Variants in UBL3 observed in about 807,000 individuals in gnomAD.
UBL3 encodes ubiquitin-like protein 3.
A neutral mutation model predicts 18.4 loss-of-function variants in UBL3; 6 were observed. That is an observed-to-expected ratio of 0.33 (90% CI 0.18 to 0.64). The LOEUF (loss-of-function observed/expected upper bound fraction) is 0.64, where lower values mean the gene tolerates loss of function less well. UBL3 is among the 30% of genes least tolerant of loss of function. The probability of loss-of-function intolerance (pLI) is 0.76; values close to 1 mark genes in which losing one functional copy is unlikely to be tolerated. For synonymous variants in UBL3, 49 were observed against 46.6 expected, an observed-to-expected ratio of 1.05 and a Z score of -0.21; for missense variants, 109 against 142.9, an observed-to-expected ratio of 0.76 and a Z score of 1.21.
intron 1 of UBL3, among the ~76,000 whole-genome samples, chr13:29,810,383 A>C (rs1878026991): frequency 6.6e-6 from 1 of 152,108 alleles, no homozygotes; most frequent in African/African-American, 2.4e-5. Flanking sequence ...CTGAGCTCTG[A>C]AGAAGGCTAA....
At chr13:29,770,117 A>G (rs2139305881) in intron 3 of UBL3, among the ~76,000 whole-genome samples, 1 of 152,216 alleles carries the variant, frequency 6.6e-6, no homozygotes, top group East Asian at 1.9e-4. Context: ...TTCTAGGGCC[A>G]CACAAAGCCT....
Position 29,830,463 on chromosome 13 carries a change from G to A in UBL3, c.27+19049C>T, listed in dbSNP as rs140520424. On this transcript the variant is annotated intron_variant, in intron 1 of 4. Transcript: ENST00000380680. The stretch of plus-strand genomic sequence containing the variant: ...ACTTTGGGGAATGAAAAAGCCATTT[G>A]CTTCCCTCCTATGACAGCTGGGAAT... 7.2e-5 allele frequency among the ~76,000 whole-genome samples: 11 copies of A among 152,280 alleles called. No individual in the cohort carries two copies. In the East Asian group the frequency reaches 2.1e-3, roughly 29 times the overall value.
Position 29,772,104 on chromosome 13 carries a change from G to A in UBL3, c.223+8C>T. The A allele has an allele frequency of 6.2e-7, 1 of 1,606,814 alleles. No homozygotes were observed. ...GACATTAAATCCCATTACAAAGGTG[G>A]CTGTTACCTCCTAATGTGACATTTC... On this transcript the variant is annotated splice_region_variant and intron_variant, in intron 3 of 4. Coordinates refer to ENST00000380680, the MANE Select transcript of UBL3 (RefSeq NM_007106.4).
intron 1 of UBL3, among the ~76,000 whole-genome samples, chr13:29,801,658 G>A (rs917421543): frequency 3.3e-5 from 5 of 152,102 alleles, no homozygotes; most frequent in South Asian, 4.1e-4. Context: ...TGTTGCCCTC[G>A]GACCGGGGAA....
intron 1 of UBL3, among the ~76,000 whole-genome samples, chr13:29,798,486 T>A (rs966373421): frequency 2.8e-4 from 42 of 152,154 alleles, no homozygotes; most frequent in Admixed American, 1.2e-3. Context: ...TAGCTACTAC[T>A]GTAGATGCAG....
intron 1 of UBL3, among the ~76,000 whole-genome samples, chr13:29,785,937 A>G (rs981232865): frequency 6.6e-6 from 1 of 152,228 alleles, no homozygotes; most frequent in African/African-American, 2.4e-5. Context: ...AGTGGGTCTG[A>G]GATTCCTGAG....
chr13:29,774,749 G>A (rs1156627373), intron 2 of UBL3, among the ~76,000 whole-genome samples: 1 of 151,440 alleles, frequency 6.6e-6, no homozygotes, highest in Non-Finnish European at 1.5e-5. Context: ...TCTTCAAGAA[G>A]TTTTAAATTG....
intron 1 of UBL3, among the ~76,000 whole-genome samples, chr13:29,823,677 C>G (rs1878538196): frequency 6.6e-6 from 1 of 152,130 alleles, no homozygotes. Flanking sequence ...AAAAGATTCA[C>G]ATCAATTTTA....
chr13:29,806,598 G>C lies in UBL3; in HGVS notation c.28-29335C>G, dbSNP rs142819385. Reference sequence around the variant, plus strand: ...GTGGGTGCAGTGCTGAGGTGCAAGAGTGCCATATATTTACTGACCCCAGTC... The same window carrying C: ...GTGGGTGCAGTGCTGAGGTGCAAGACTGCCATATATTTACTGACCCCAGTC... On this transcript the variant is annotated intron_variant, in intron 1 of 4. Transcript: ENST00000380680. Among the ~76,000 whole-genome samples the C allele has an allele frequency of 1.2e-3, 177 of 152,272 alleles. 1 individual carries two copies. The highest frequency in any genetic ancestry group is 3.3e-3 in the African/African-American group (139 of 41,548).
At chr13:29,785,731 T>A (rs1877297599) in intron 1 of UBL3, among the ~76,000 whole-genome samples, 1 of 152,202 alleles carries the variant, frequency 6.6e-6, no homozygotes, top group Non-Finnish European at 1.5e-5. Flanking sequence ...ATTCAAACAT[T>A]TTCTAAAACA....
chr13:29,815,548 C>A (rs1593666518), intron 1 of UBL3, among the ~76,000 whole-genome samples: 1 of 152,218 alleles, frequency 6.6e-6, no homozygotes, highest in East Asian at 1.9e-4. Flanking sequence ...ACAAACAAAA[C>A]CCCATTTTAT....
At chr13:29,835,146 ATATATAT>A (rs1878918474) in intron 1 of UBL3, among the ~76,000 whole-genome samples, 1 of 17,336 alleles carries the variant, frequency 5.8e-5, no homozygotes, top group Non-Finnish European at 1.1e-4. Context: ...ATATATATAT[ATATATAT>A]ATATATATAT....
chr13:29,825,230 T>C (rs1356431227), intron 1 of UBL3, among the ~76,000 whole-genome samples: 2 of 152,214 alleles, frequency 1.3e-5, no homozygotes, highest in Non-Finnish European at 1.5e-5. Context: ...TTATTCCAAT[T>C]CTGTGAAGAA....
intron 1 of UBL3, among the ~76,000 whole-genome samples, chr13:29,801,776 T>C (rs1361780983): frequency 2.6e-5 from 4 of 152,166 alleles, no homozygotes; most frequent in African/African-American, 9.7e-5. Context: ...TTGCTCAACG[T>C]CACCAGGCAG....
intron 1 of UBL3, among the ~76,000 whole-genome samples, chr13:29,832,091 T>C (rs901009637): frequency 6.6e-6 from 1 of 152,250 alleles, no homozygotes; most frequent in African/African-American, 2.4e-5. Context: ...CCTGCAGTGC[T>C]AATTCAACAT....
intron 2 of UBL3, 119 bp from the exon 3 acceptor site, chr13:29,772,317 CCTA>C: frequency 1.6e-6 from 1 of 633,224 alleles, no homozygotes; most frequent in Admixed American, 3.2e-5. Flanking sequence ...CTTGGAGCTT[CCTA>C]CTACTATTAG....
intron 1 of UBL3, among the ~76,000 whole-genome samples, chr13:29,782,018 AATAAAC>A (rs1472546749): frequency 6.6e-6 from 1 of 151,868 alleles, no homozygotes. Flanking sequence ...AAAAAAATAA[AATAAAC>A]ATAAATCAAC....
chr13:29,847,552 T>C (rs1879258997), intron 1 of UBL3, among the ~76,000 whole-genome samples: 1 of 152,232 alleles, frequency 6.6e-6, no homozygotes, highest in South Asian at 2.1e-4. Flanking sequence ...ATTTCCCAAA[T>C]CATCTCAATC....
At chr13:29,848,991 G>A (rs1346858946) in intron 1 of UBL3, among the ~76,000 whole-genome samples, 5 of 152,154 alleles carry the variant, frequency 3.3e-5, no homozygotes, top group South Asian at 2.1e-4. Flanking sequence ...GTTGCCATCC[G>A]TATTCAGACA....
Sources: allele counts gnomAD v4.1 joint callset (sites outside exome capture counted in the v4.1 genomes callset), GRCh38; gene constraint gnomAD v4.1.1; transcripts MANE v1.5; gene names NCBI Gene and HGNC (gene_info 2026-07-23, HGNC 2026-07-21).